FAM237B: variants seen among roughly 807,000 people sequenced by gnomAD.
FAM237B encodes family with sequence similarity 237 member B.
chr7:90,317,568 G>A lies in FAM237B; in HGVS notation c.*1761C>T, dbSNP rs921745913. On this transcript the variant is annotated 3_prime_UTR_variant, in exon 3 of 3. Coordinates refer to ENST00000692316, the MANE Select transcript of FAM237B (RefSeq NM_001384237.2). ...GTTATATGAAATAATATTGCCGAAC[G>A]CTATGAGGTCCTTTAATATTGAAAA... 1 of 151,856 alleles carries A rather than the reference G, an allele frequency of 6.6e-6. No individual in the cohort carries two copies. Among genetic ancestry groups the A allele is most frequent in the Non-Finnish European group, 1.5e-5 (1 of 67,926 alleles). 9.4% of individuals were successfully genotyped at this position (151,856 alleles called of 1,614,324 possible).
Position 90,319,647 on chromosome 7 carries a change from G to A in FAM237B, c.102C>T (p.Ala34=). ...CTTTGGTGATTCCTGGGCTGATGCT[G>A]GCAAGCACTCCTTTTTGAAACTCAA... ...ADFEFQKGVL[A]SISPGITKDI... is the part of the protein sequence containing the mutation. The change falls in exon 3 of 3, where the codon GCC becomes GCT. Residue 34 remains alanine (A), a synonymous_variant. Coordinates refer to ENST00000692316, the MANE Select transcript of FAM237B (RefSeq NM_001384237.2). The A allele has an allele frequency of 2.5e-6, 1 of 398,550 alleles. No individual in the cohort carries two copies. The highest frequency in any genetic ancestry group is 4.4e-6 in the Non-Finnish European group (1 of 226,046). The allele number at this position is 398,550 out of a possible 1,614,324, so 24.7% of individuals were successfully genotyped here.
chr7:90,317,890 A>G lies in FAM237B; in HGVS notation c.*1439T>C, dbSNP rs2117576041. ...GAATCTGTCATTGTAAGGATACTTG[A>G]AACCAGTGTTGTAAACCATGGTAGC... On this transcript the variant is annotated 3_prime_UTR_variant, in exon 3 of 3. Coordinates refer to ENST00000692316, the MANE Select transcript of FAM237B (RefSeq NM_001384237.2). The G allele has an allele frequency of 6.6e-6, 1 of 152,306 alleles. No individual in the cohort carries two copies. Among genetic ancestry groups the G allele is most frequent in the Middle Eastern group, 3.4e-3 (1 of 294 alleles). 9.4% of individuals were successfully genotyped at this position (152,306 alleles called of 1,614,324 possible). A position where few individuals can be genotyped will look rare whatever the true frequency, so the allele number is the denominator to read the frequency against.
At position 90,319,265 on chromosome 7, in the gene FAM237B, C is replaced by T. The variant is rs773083359; in HGVS notation, c.*64G>A. On this transcript the variant is annotated 3_prime_UTR_variant, in exon 3 of 3. Transcript: ENST00000692316. The stretch of plus-strand genomic sequence containing the variant: ...AAACTAAATATGGTAAATTTGCTAC[C>T]TTGTTGGATAACTTGAAAAAAATCA... 1 of 394,778 alleles carries T rather than the reference C, an allele frequency of 2.5e-6. No individual in the cohort carries two copies. The highest frequency in any genetic ancestry group is 4.5e-6 in the Non-Finnish European group (1 of 223,824). The allele number at this position is 394,778 out of a possible 1,614,324, so 24.5% of individuals were successfully genotyped here.
intron 2 of FAM237B, chr7:90,320,264 A>C (rs1795206022): frequency 6.6e-6 from 1 of 152,288 alleles, no homozygotes; most frequent in Non-Finnish European, 1.5e-5. Flanking sequence ...AACACCGTTT[A>C]AGTCTCAAAG....
At position 90,316,875 on chromosome 7, in the gene FAM237B, A is replaced by G. The variant is rs1023829297; in HGVS notation, c.*2454T>C. Reference sequence around the variant, plus strand: ...TTATCATCGCTGCAATAAAATTGTCATGACAACTATGAGTGATTGAGGACA... The same window carrying G: ...TTATCATCGCTGCAATAAAATTGTCGTGACAACTATGAGTGATTGAGGACA... On this transcript the variant is annotated 3_prime_UTR_variant, in exon 3 of 3. Coordinates refer to ENST00000692316, the MANE Select transcript of FAM237B (RefSeq NM_001384237.2). 2 of 152,228 alleles carry G rather than the reference A, an allele frequency of 1.3e-5. No individual in the cohort carries two copies. Among genetic ancestry groups the G allele is most frequent in the African/African-American group, 4.8e-5 (2 of 41,460 alleles). The allele number at this position is 152,228 out of a possible 1,614,324, so 9.4% of individuals were successfully genotyped here.
chr7:90,320,361 C>G (rs1486240958), intron 2 of FAM237B: 1 of 152,144 alleles, frequency 6.6e-6, no homozygotes. Flanking sequence ...TGTTTAGGAG[C>G]TGGTTGGAGA....
At position 90,317,806 on chromosome 7, in the gene FAM237B, C is replaced by T. The variant is rs1356702038; in HGVS notation, c.*1523G>A. On this transcript the variant is annotated 3_prime_UTR_variant, in exon 3 of 3. Transcript: ENST00000692316. ...GTTACTTGTTCAGTATTATTTTAGC[C>T]GATTTTAAAACTTTTTATATTTGAG... The T allele has an allele frequency of 2.6e-5, 4 of 151,974 alleles. No individual in the cohort carries two copies. The highest frequency in any genetic ancestry group is 3.8e-4 in the East Asian group (2 of 5,196). The allele number at this position is 151,974 out of a possible 1,614,324, so 9.4% of individuals were successfully genotyped here.
chr7:90,319,838 T>C, intron 2 of FAM237B, 87 bp from the exon 3 acceptor site: 1 of 397,654 alleles, frequency 2.5e-6, no homozygotes, highest in Non-Finnish European at 4.4e-6. Context: ...AGTACACATA[T>C]ATTTGCTTTT....
chr7:90,318,933 G>A lies in FAM237B; in HGVS notation c.*396C>T, dbSNP rs1472407631. ...CCTGTAAGATTTAAAAGAAGAAATT[G>A]TTAATATTCATTCCAATATGACTCT... On this transcript the variant is annotated 3_prime_UTR_variant, in exon 3 of 3. Transcript: ENST00000692316. 1.3e-5 allele frequency: 2 copies of A among 153,096 alleles called. No individual in the cohort carries two copies. The highest frequency in any genetic ancestry group is 2.9e-5 in the Non-Finnish European group (2 of 68,772). The allele number at this position is 153,096 out of a possible 1,614,324, so 9.5% of individuals were successfully genotyped here.
rs949905715 is a variant in FAM237B at position 90,319,042 on chromosome 7, A to G, written c.*287T>C. 4.6e-6 allele frequency: 1 copy of G among 217,820 alleles called. No individual in the cohort carries two copies. The highest frequency in any genetic ancestry group is 8.9e-6 in the Non-Finnish European group (1 of 112,208). 13.5% of individuals were successfully genotyped at this position (217,820 alleles called of 1,614,324 possible). ...ATGTCTGATGTTTAAAATTTCTTCA[A>G]CAAATGTAATATGAATAATTACAGG... On this transcript the variant is annotated 3_prime_UTR_variant, in exon 3 of 3. Transcript: ENST00000692316.
At position 90,319,601 on chromosome 7, in the gene FAM237B, T is replaced by G. The variant is rs1009886130; in HGVS notation, c.148A>C (p.Lys50Gln). The G allele has an allele frequency of 5.0e-6, 2 of 398,520 alleles. No individual in the cohort carries two copies. Among genetic ancestry groups the G allele is most frequent in the Non-Finnish European group, 8.8e-6 (2 of 226,066 alleles). 24.7% of individuals were successfully genotyped at this position (398,520 alleles called of 1,614,324 possible). Residue 50 changes from lysine (K) to glutamine (Q), a missense_variant, in exon 3 of 3, where the codon AAA becomes CAA. Physicochemically the swap from Lys to Gln is moderately conservative, Grantham distance 53. Coordinates refer to ENST00000692316, the MANE Select transcript of FAM237B (RefSeq NM_001384237.2). ...ITKDIDLQCW[K>Q]ACSLTLIDLK... The stretch of plus-strand genomic sequence containing the variant: ...TCTATCAATGTCAAAGAGCAAGCTT[T>G]CCAGCACTGGAGATCAATGTCTTTG...
In FAM237B at chr7:90,320,683, T is replaced by C. The variant is rs1290260879; in HGVS notation, c.-6A>G. ...CAGATCCAGAACACAGGACTCACCT[T>C]TCCCCCCGTACACAGCCGTCTGCCA... is the stretch of plus-strand genomic sequence containing the variant. On this transcript the variant is annotated splice_region_variant and 5_prime_UTR_variant, in exon 2 of 3. Transcript: ENST00000692316. The C allele has an allele frequency of 6.6e-6, 1 of 152,268 alleles. No homozygotes were observed. Among genetic ancestry groups the C allele is most frequent in the East Asian group, 1.9e-4 (1 of 5,182 alleles). 9.4% of individuals were successfully genotyped at this position (152,268 alleles called of 1,614,324 possible). A position where few individuals can be genotyped will look rare whatever the true frequency, so the allele number is the denominator to read the frequency against.
rs1205179990 is a variant in FAM237B at position 90,317,124 on chromosome 7, G to A, written c.*2205C>T. Reference sequence around the variant, plus strand: ...TTTTTTAGACCAAAAGCAGTTTAATGATAAAGAACACAGATGTTCAATATG... The same window carrying A: ...TTTTTTAGACCAAAAGCAGTTTAATAATAAAGAACACAGATGTTCAATATG... On this transcript the variant is annotated 3_prime_UTR_variant, in exon 3 of 3. Transcript: ENST00000692316. 1 of 151,498 alleles carries A rather than the reference G, an allele frequency of 6.6e-6. No homozygotes were observed. Among genetic ancestry groups the A allele is most frequent in the African/African-American group, 2.4e-5 (1 of 41,216 alleles). 9.4% of individuals were successfully genotyped at this position (151,498 alleles called of 1,614,324 possible).
Position 90,319,089 on chromosome 7 carries a change from C to A in FAM237B, c.*240G>T, listed in dbSNP as rs1197903125. 6 of 286,776 alleles carry A rather than the reference C, an allele frequency of 2.1e-5. No individual in the cohort carries two copies. Among genetic ancestry groups the A allele is most frequent in the East Asian group, 5.9e-5 (1 of 16,846 alleles). 17.8% of individuals were successfully genotyped at this position (286,776 alleles called of 1,614,324 possible). A position where few individuals can be genotyped will look rare whatever the true frequency, so the allele number is the denominator to read the frequency against. On this transcript the variant is annotated 3_prime_UTR_variant, in exon 3 of 3. Coordinates refer to ENST00000692316, the MANE Select transcript of FAM237B (RefSeq NM_001384237.2). ...CAGGGTTAAATGGCTTTCTTATGAA[C>A]TATTCATGGGCAAACAAGGATAATT... is the stretch of plus-strand genomic sequence containing the variant.
chr7:90,318,085 C>CT lies in FAM237B; in HGVS notation c.*1243dup, dbSNP rs1391912272. 6.6e-6 allele frequency: 1 copy of CT among 152,154 alleles called. No individual in the cohort carries two copies. Among genetic ancestry groups the CT allele is most frequent in the Admixed American group, 6.5e-5 (1 of 15,270 alleles). The allele number at this position is 152,154 out of a possible 1,614,324, so 9.4% of individuals were successfully genotyped here. ...GAAACAGACCAAATTTATAGGCACC[C>CT]TTTATCAAAGGTATAGGCTTTTACG... On this transcript the variant is annotated 3_prime_UTR_variant, in exon 3 of 3. Coordinates refer to ENST00000692316, the MANE Select transcript of FAM237B (RefSeq NM_001384237.2).
chr7:90,317,139 T>C lies in FAM237B; in HGVS notation c.*2190A>G. On this transcript the variant is annotated 3_prime_UTR_variant, in exon 3 of 3. Transcript: ENST00000692316. ...GCAGTTTAATGATAAAGAACACAGATGTTCAATATGGAGATGAGAAAGGAC... is the reference window on the plus strand; with the variant it reads ...GCAGTTTAATGATAAAGAACACAGACGTTCAATATGGAGATGAGAAAGGAC... The C allele has an allele frequency of 6.6e-6, 1 of 151,990 alleles. No individual in the cohort carries two copies. The highest frequency in any genetic ancestry group is 1.9e-4 in the East Asian group (1 of 5,188). The allele number at this position is 151,990 out of a possible 1,614,324, so 9.4% of individuals were successfully genotyped here. A position where few individuals can be genotyped will look rare whatever the true frequency, so the allele number is the denominator to read the frequency against.
chr7:90,319,669 T>C lies in FAM237B; in HGVS notation c.80A>G (p.Glu27Gly). 2.5e-6 allele frequency: 1 copy of C among 398,522 alleles called. No homozygotes were observed. The highest frequency in any genetic ancestry group is 3.6e-5 in the East Asian group (1 of 28,072). 24.7% of individuals were successfully genotyped at this position (398,522 alleles called of 1,614,324 possible). A position where few individuals can be genotyped will look rare whatever the true frequency, so the allele number is the denominator to read the frequency against. The change falls in exon 3 of 3, where the codon GAG becomes GGG. Residue 27 changes from glutamate (E) to glycine (G), a missense_variant. Transcript: ENST00000692316. ...GCTGGCAAGCACTCCTTTTTGAAAC[T>C]CAAAGTCAGCATTAACCAGATTGAT... ...MLINLVNADFEFQKGVLASIS... is the reference protein window; with the variant it reads ...MLINLVNADFGFQKGVLASIS...
intron 2 of FAM237B, among the ~76,000 whole-genome samples, chr7:90,320,113 A>G (rs1584607014): frequency 1.3e-5 from 2 of 152,216 alleles, no homozygotes; most frequent in Admixed American, 1.3e-4. Flanking sequence ...CAGACTCCTG[A>G]CTGCCTATCC....
rs1321248498 is a variant in FAM237B at position 90,318,670 on chromosome 7, T to C, written c.*659A>G. The C allele has an allele frequency of 1.3e-5, 2 of 152,018 alleles. No individual in the cohort carries two copies. Among genetic ancestry groups the C allele is most frequent in the African/African-American group, 4.8e-5 (2 of 41,426 alleles). The allele number at this position is 152,018 out of a possible 1,614,324, so 9.4% of individuals were successfully genotyped here. A position where few individuals can be genotyped will look rare whatever the true frequency, so the allele number is the denominator to read the frequency against. ...GATGTTTTCTTTAAAACAAAGACAC[T>C]TTAAAAAGACACCTTCTAAGTAAAA... On this transcript the variant is annotated 3_prime_UTR_variant, in exon 3 of 3. Coordinates refer to ENST00000692316, the MANE Select transcript of FAM237B (RefSeq NM_001384237.2).
Sources: allele counts gnomAD v4.1 joint callset (sites outside exome capture counted in the v4.1 genomes callset), GRCh38; gene constraint gnomAD v4.1.1; transcripts MANE v1.5; gene names NCBI Gene and HGNC (gene_info 2026-07-23, HGNC 2026-07-21).